The following KCNIP1 variants were observed in gnomAD, a reference collection of about 807,000 sequenced individuals.
KCNIP1 encodes A-type potassium channel modulatory protein KCNIP1.
A neutral mutation model predicts 33.0 loss-of-function variants in KCNIP1; 18 were observed. The observed-to-expected ratio is 0.55, with a 90% CI of 0.38 to 0.81. KCNIP1 has a LOEUF of 0.81. Ranked by LOEUF, KCNIP1 falls within the 30% of genes least tolerant of loss-of-function variation. The probability of loss-of-function intolerance (pLI) is 0.00; values close to 1 mark genes in which losing one functional copy is unlikely to be tolerated. For missense variants in KCNIP1, 238 were observed against 271.6 expected (o/e 0.88, Z 0.87); for synonymous variants, 93 against 98.3 (o/e 0.95, Z 0.32).
intron 1 of KCNIP1, among the ~76,000 whole-genome samples, chr5:170,593,263 T>C (rs1056185376): frequency 6.6e-6 from 1 of 152,198 alleles, no homozygotes; most frequent in African/African-American, 2.4e-5. Flanking sequence ...CCCATCTGGC[T>C]TCTACCTGCC....
At chr5:170,401,400 G>A (rs570355966) in intron 1 of KCNIP1, among the ~76,000 whole-genome samples, 12 of 152,182 alleles carry the variant, frequency 7.9e-5, no homozygotes, top group Non-Finnish European at 1.5e-4. Context: ...TCTCAGCAGA[G>A]CACCATCTCC....
intron 1 of KCNIP1, among the ~76,000 whole-genome samples, chr5:170,569,068 CT>C (rs1757304144): frequency 6.6e-6 from 1 of 152,200 alleles, no homozygotes; most frequent in African/African-American, 2.4e-5. Context: ...TCTCTCTTCC[CT>C]CAGAAAGTGG....
intron 1 of KCNIP1, among the ~76,000 whole-genome samples, chr5:170,698,087 G>C (rs1762960014): frequency 6.6e-6 from 1 of 152,148 alleles, no homozygotes; most frequent in African/African-American, 2.4e-5. Flanking sequence ...TGCCTCAGAA[G>C]ACCCAAGAGC....
intron 1 of KCNIP1, among the ~76,000 whole-genome samples, chr5:170,621,997 G>A (rs1403777050): frequency 3.9e-5 from 6 of 152,122 alleles, no homozygotes; most frequent in African/African-American, 7.2e-5. Context: ...GCAAGCAGCC[G>A]TGTGACTTGC....
intron 1 of KCNIP1, among the ~76,000 whole-genome samples, chr5:170,440,145 G>A (rs967354660): frequency 1.3e-5 from 2 of 152,282 alleles, no homozygotes; most frequent in East Asian, 3.9e-4. Flanking sequence ...GTGAAGACAC[G>A]GAGAAGGCGG....
At chr5:170,379,003 C>T (rs1296676784) in intron 1 of KCNIP1, 1 of 1,602,586 alleles carries the variant, frequency 6.2e-7, no homozygotes, top group Admixed American at 1.7e-5. Context: ...CAGCTGTGGG[C>T]TTGGAAATCC....
At chr5:170,714,293 A>G (rs1763566248) in intron 1 of KCNIP1, among the ~76,000 whole-genome samples, 1 of 152,200 alleles carries the variant, frequency 6.6e-6, no homozygotes, top group Non-Finnish European at 1.5e-5. Flanking sequence ...GCTTGAGGAA[A>G]GCAGAATCCA....
intron 5 of KCNIP1, among the ~76,000 whole-genome samples, chr5:170,725,551 AT>A (rs1763980129): frequency 6.6e-6 from 1 of 152,160 alleles, no homozygotes; most frequent in African/African-American, 2.4e-5. Context: ...GGAAGTTAGG[AT>A]AGTCAATGGG....
chr5:170,416,717 A>G (rs940891136), intron 1 of KCNIP1, among the ~76,000 whole-genome samples: 1 of 152,182 alleles, frequency 6.6e-6, no homozygotes, highest in African/African-American at 2.4e-5. Context: ...AGAAAAAAAA[A>G]AAGTGCAGCT....
chr5:170,689,014 GT>G (rs1461059603), intron 1 of KCNIP1, among the ~76,000 whole-genome samples: 3 of 152,248 alleles, frequency 2.0e-5, no homozygotes, highest in African/African-American at 7.2e-5. Context: ...AAGAGTGGTA[GT>G]TTTGGAAGGA....
At chr5:170,380,906 T>C (rs1764212729) in intron 1 of KCNIP1, among the ~76,000 whole-genome samples, 1 of 152,142 alleles carries the variant, frequency 6.6e-6, no homozygotes, top group Non-Finnish European at 1.5e-5. Flanking sequence ...AGAACTGTCA[T>C]GGGGATTAAA....
rs920817724 is a variant in KCNIP1 at position 170,489,227 on chromosome 5, C to T, written c.88+135263C>T. 3.3e-5 allele frequency among the ~76,000 whole-genome samples: 5 copies of T among 152,324 alleles called. No homozygotes were observed. The highest frequency in any genetic ancestry group is 1.2e-4 in the African/African-American group (5 of 41,576). Reference sequence around the variant, plus strand: ...GATGACTCCATCTGTCACCTCGGCACTTACCCCAAAAGATGGAGGACTGCT... The same window carrying T: ...GATGACTCCATCTGTCACCTCGGCATTTACCCCAAAAGATGGAGGACTGCT... On this transcript the variant is annotated intron_variant, in intron 1 of 7. Coordinates refer to the KCNIP1 transcript ENST00000377360. The surrounding 1 kb of genome is among the most constrained non-coding windows in gnomAD (Gnocchi z 4.3).
chr5:170,720,165 G>C (rs1763769386), intron 2 of KCNIP1, among the ~76,000 whole-genome samples, 156 bp from the exon 3 acceptor site: 1 of 152,138 alleles, frequency 6.6e-6, no homozygotes, highest in African/African-American at 2.4e-5. Context: ...TTGCAAAGCA[G>C]CTCCAGTCCT....
chr5:170,392,080 C>T (rs1754610709), intron 1 of KCNIP1, among the ~76,000 whole-genome samples: 1 of 152,190 alleles, frequency 6.6e-6, no homozygotes, highest in Admixed American at 6.5e-5. Context: ...CGAGTTCCCC[C>T]CACACGCTCT....
chr5:170,647,104 C>T (rs1053477084), intron 1 of KCNIP1, among the ~76,000 whole-genome samples: 5 of 151,966 alleles, frequency 3.3e-5, no homozygotes, highest in Non-Finnish European at 5.9e-5. Context: ...TGAAAGAAAT[C>T]GAAGAAGAGC....
chr5:170,436,368 G>A (rs566232509), intron 1 of KCNIP1, among the ~76,000 whole-genome samples: 228 of 152,346 alleles, frequency 1.5e-3, no homozygotes, highest in Admixed American at 2.0e-3. Context: ...CTGGTGAGCA[G>A]AAAGGTCTCA....
intron 1 of KCNIP1, among the ~76,000 whole-genome samples, chr5:170,601,228 C>T (rs1184264794): frequency 6.6e-6 from 1 of 152,246 alleles, no homozygotes; most frequent in Non-Finnish European, 1.5e-5. Flanking sequence ...TAATGGGACA[C>T]ATGCCGGGGA....
intron 1 of KCNIP1, among the ~76,000 whole-genome samples, chr5:170,479,658 A>G (rs1218235203): frequency 6.6e-6 from 1 of 152,190 alleles, no homozygotes; most frequent in Non-Finnish European, 1.5e-5. Context: ...CTACAGTTCC[A>G]TAAGGGTAAT....
At chr5:170,392,873 C>T (rs1754643822) in intron 1 of KCNIP1, among the ~76,000 whole-genome samples, 1 of 152,106 alleles carries the variant, frequency 6.6e-6, no homozygotes, top group Non-Finnish European at 1.5e-5. Flanking sequence ...TTAGGTCACA[C>T]ACTATGGCAC....
Sources: allele counts gnomAD v4.1 joint callset (sites outside exome capture counted in the v4.1 genomes callset), GRCh38; gene constraint gnomAD v4.1.1; non-coding constraint Gnocchi (gnomAD v3.1); transcripts MANE v1.5; gene names NCBI Gene and HGNC (gene_info 2026-07-23, HGNC 2026-07-21).